Variants in CDC14A observed in about 807,000 individuals in gnomAD.
CDC14A encodes dual specificity protein phosphatase CDC14A.
A neutral mutation model predicts 74.4 loss-of-function variants in CDC14A; 53 were observed. The observed-to-expected ratio is 0.71, with a 90% CI of 0.57 to 0.89. CDC14A has a LOEUF of 0.89. Ranked by LOEUF, CDC14A falls within the 40% of genes least tolerant of loss-of-function variation. The pLI is 0.00. For missense variants in CDC14A, 646 were observed against 713.7 expected (o/e 0.91, Z 1.08); for synonymous variants, 247 against 258.4 (o/e 0.96, Z 0.43).
intron 2 of CDC14A, among the ~76,000 whole-genome samples, chr1:100,357,894 T>A (rs1652339040): frequency 6.6e-6 from 1 of 152,194 alleles, no homozygotes; most frequent in Non-Finnish European, 1.5e-5. Context: ...GTTTCTTTAG[T>A]TATGAAAGGA....
intron 7 of CDC14A, among the ~76,000 whole-genome samples, chr1:100,454,470 T>C (rs1221728495): frequency 6.6e-6 from 1 of 152,118 alleles, no homozygotes; most frequent in Non-Finnish European, 1.5e-5. Flanking sequence ...TGGGGTAACC[T>C]TACTCGTGCC....
At chr1:100,390,181 A>G (rs1657489284) in intron 3 of CDC14A, among the ~76,000 whole-genome samples, 1 of 152,184 alleles carries the variant, frequency 6.6e-6, no homozygotes, top group South Asian at 2.1e-4. Flanking sequence ...TTGCTGATAT[A>G]ATTTTTTAAT....
At chr1:100,463,376 C>T (rs1035806229) in intron 9 of CDC14A, among the ~76,000 whole-genome samples, 13 of 152,122 alleles carry the variant, frequency 8.5e-5, no homozygotes, top group African/African-American at 2.7e-4. Flanking sequence ...TGGAGCAGAG[C>T]GTCTTCCATG....
intron 2 of CDC14A, among the ~76,000 whole-genome samples, chr1:100,365,761 A>G (rs1653490413): frequency 2.0e-5 from 3 of 152,156 alleles, no homozygotes; most frequent in Admixed American, 2.0e-4. Flanking sequence ...TGAGGTTGGT[A>G]TTTGTTATGC....
chr1:100,394,800 G>T (rs3928794), intron 4 of CDC14A, among the ~76,000 whole-genome samples: 2 of 152,314 alleles, frequency 1.3e-5, no homozygotes, highest in Non-Finnish European at 2.9e-5. Flanking sequence ...CTAAAAATTG[G>T]CAGTGGATCC....
chr1:100,485,235 G>A, intron 11 of CDC14A: 1 of 985,396 alleles, frequency 1.0e-6, no homozygotes, highest in Non-Finnish European at 1.2e-6. Context: ...TTTGTGATTT[G>A]TGTAAAGTTC....
At chr1:100,386,126 C>T (rs904226602) in intron 3 of CDC14A, among the ~76,000 whole-genome samples, 5 of 151,476 alleles carry the variant, frequency 3.3e-5, no homozygotes, top group Admixed American at 6.6e-5. Flanking sequence ...AAGATCATGC[C>T]ACTGTATTCC....
chr1:100,412,713 T>TATATATATATATATATATAAA (rs1557732035), intron 4 of CDC14A, among the ~76,000 whole-genome samples: 1 of 102,266 alleles, frequency 9.8e-6, no homozygotes. Context: ...TATATATATA[T>TATATATATATATATATATAAA]ATATATATAT....
intron 3 of CDC14A, 40 bp downstream of exon 3, chr1:100,377,661 A>T: frequency 6.9e-7 from 1 of 1,456,614 alleles, no homozygotes; most frequent in Middle Eastern, 1.7e-4. Context: ...GAATTAAAAC[A>T]TTTGAACCAT....
intron 4 of CDC14A, among the ~76,000 whole-genome samples, chr1:100,411,724 G>A (rs753608036): frequency 5.3e-5 from 8 of 152,152 alleles, no homozygotes; most frequent in Non-Finnish European, 1.2e-4. Context: ...CAGTCATTGA[G>A]CACCTGGGCC....
At chr1:100,393,423 C>T (rs1657984140) in intron 4 of CDC14A, 2 of 791,834 alleles carry the variant, frequency 2.5e-6, no homozygotes, top group South Asian at 2.7e-5. Context: ...ATTTTTTTGA[C>T]CAGAGGAAGG....
rs180674025 is a variant in CDC14A, at chr1:100,407,265, G to A, written c.309+16441G>A. On this transcript the variant is annotated intron_variant, in intron 4 of 15. Coordinates refer to ENST00000336454, the MANE Select transcript of CDC14A (RefSeq NM_003672.4). ...TGTCAGTGGCAGTTTAATGGGAATAGCATTGTATCTATAAATGACTTCGGG... is the reference window on the plus strand; with the variant it reads ...TGTCAGTGGCAGTTTAATGGGAATAACATTGTATCTATAAATGACTTCGGG... 2.2e-3 allele frequency among the ~76,000 whole-genome samples: 330 copies of A among 152,164 alleles called. 3 individuals carry two copies. Among genetic ancestry groups the A allele is most frequent in the Non-Finnish European group, 4.1e-3 (278 of 68,000 alleles).
chr1:100,429,684 C>CAA (rs1038323447), intron 5 of CDC14A, among the ~76,000 whole-genome samples: 1 of 133,872 alleles, frequency 7.5e-6, no homozygotes, highest in African/African-American at 3.4e-5. Flanking sequence ...TGTACCATGG[C>CAA]AAAATATATA....
chr1:100,437,279 T>C (rs1205247231), intron 5 of CDC14A, among the ~76,000 whole-genome samples: 5 of 152,218 alleles, frequency 3.3e-5, no homozygotes, highest in Non-Finnish European at 7.3e-5. Context: ...AGAGAATACA[T>C]AACATGTTCT....
At chr1:100,473,718 C>T (rs187720794) in intron 10 of CDC14A, among the ~76,000 whole-genome samples, 6 of 152,188 alleles carry the variant, frequency 3.9e-5, no homozygotes, top group African/African-American at 7.2e-5. Context: ...TTTTGTATCC[C>T]GAAACCTAGG....
At chr1:100,422,252 G>T (rs1038970653) in intron 4 of CDC14A, among the ~76,000 whole-genome samples, 1 of 152,204 alleles carries the variant, frequency 6.6e-6, no homozygotes, top group Non-Finnish European at 1.5e-5. Context: ...AGCATTCCAT[G>T]TGGGCTGGTG....
chr1:100,432,531 C>CA (rs1268147883), intron 5 of CDC14A, among the ~76,000 whole-genome samples: 21 of 152,156 alleles, frequency 1.4e-4, no homozygotes, highest in Admixed American at 1.4e-3. Context: ...TGTGGTGACT[C>CA]ACAGCTGTAA....
At chr1:100,420,825 C>CG (rs1662278139) in intron 4 of CDC14A, among the ~76,000 whole-genome samples, 1 of 151,986 alleles carries the variant, frequency 6.6e-6, no homozygotes, top group African/African-American at 2.4e-5. Context: ...AATTTTATTA[C>CG]GCTGTTTAAT....
chr1:100,429,519 T>C (rs974346117), intron 5 of CDC14A, among the ~76,000 whole-genome samples: 3 of 151,084 alleles, frequency 2.0e-5, no homozygotes, highest in African/African-American at 7.3e-5. Flanking sequence ...TCTGCATACG[T>C]GGGGAGCTTT....
Sources: gnomAD v4.1 joint callset for allele counts (sites outside exome capture counted in the v4.1 genomes callset) on GRCh38, gnomAD v4.1.1 for gene constraint, MANE v1.5 for transcripts, NCBI Gene and HGNC (gene_info 2026-07-23, HGNC 2026-07-21) for gene names.